Variants in PRMT3 observed in about 807,000 individuals in gnomAD.
PRMT3 encodes the protein protein arginine N-methyltransferase 3.
Under a neutral mutation model 71.9 loss-of-function variants are expected in PRMT3, and 62 were observed. The observed-to-expected ratio is 0.86, with a 90% CI of 0.70 to 1.07. The LOEUF (loss-of-function observed/expected upper bound fraction) is 1.07. Among genes scored for constraint, PRMT3 ranks in the 50% least tolerant of loss-of-function variants. PRMT3 has a pLI of 0.00. For synonymous variants in PRMT3, 213 were observed against 220.4 expected (o/e 0.97, Z 0.30); for missense variants, 663 against 643.0 (o/e 1.03, Z -0.34).
chr11:20,451,560 A>T (rs1192996904), intron 10 of PRMT3, among the ~76,000 whole-genome samples: 3 of 151,958 alleles, frequency 2.0e-5, no homozygotes, highest in Non-Finnish European at 2.9e-5. Context: ...GGTTTTCTAG[A>T]CTAGAGTTTC....
At chr11:20,404,200 G>A (rs1463606048) in intron 8 of PRMT3, among the ~76,000 whole-genome samples, 1 of 109,834 alleles carries the variant, frequency 9.1e-6, no homozygotes, top group African/African-American at 3.5e-5. Context: ...CTATAGTGGA[G>A]ACTTTTCATA....
At chr11:20,396,353 T>C (rs774220747) in intron 6 of PRMT3, among the ~76,000 whole-genome samples, 1 of 152,154 alleles carries the variant, frequency 6.6e-6, no homozygotes, top group Non-Finnish European at 1.5e-5. Context: ...AGAATCAAAA[T>C]GTAGGCCGGG....
In PRMT3 at chr11:20,494,181, G is replaced by C; in HGVS notation, c.1413G>C (p.Thr471=). The change falls in exon 15 of 16, where the codon ACG becomes ACC. Residue 471 remains threonine (T), a synonymous_variant. Transcript: ENST00000331079. ...TACCAATTCAGGTCGTGTTCTCTAC[G>C]GGCCCTCAGAGCACCAAAACACACT... The part of the protein sequence containing the change: ...KNCHNRVVFS[T]GPQSTKTHWK... The C allele has an allele frequency of 1.2e-6, 2 of 1,608,590 alleles. No individual in the cohort carries two copies. Among genetic ancestry groups the C allele is most frequent in the Non-Finnish European group, 1.7e-6 (2 of 1,175,248 alleles).
intron 13 of PRMT3, among the ~76,000 whole-genome samples, chr11:20,472,672 TC>T (rs1363405744): frequency 6.9e-6 from 1 of 145,700 alleles, no homozygotes; most frequent in African/African-American, 2.4e-5. Flanking sequence ...CCTGAAGTGT[TC>T]TTTTTTTGTT....
intron 10 of PRMT3, among the ~76,000 whole-genome samples, chr11:20,451,375 C>G (rs1025600767): frequency 1.3e-5 from 2 of 152,002 alleles, no homozygotes; most frequent in Non-Finnish European, 2.9e-5. Context: ...TTCTCTTTAC[C>G]ATGAGAACTA....
At chr11:20,494,344 A>C (rs1354651593) in intron 15 of PRMT3, 90 bp downstream of exon 15, 1 of 1,144,564 alleles carries the variant, frequency 8.7e-7, no homozygotes, top group Non-Finnish European at 1.3e-6. Flanking sequence ...TGTGCACACT[A>C]TATTTGTTTT....
At position 20,426,858 on chromosome 11, in the gene PRMT3, A is replaced by G; in HGVS notation, c.986A>G (p.Glu329Gly). 1 of 1,530,528 alleles carries G rather than the reference A, an allele frequency of 6.5e-7. No individual in the cohort carries two copies. 94.8% of individuals were successfully genotyped at this position (1,530,528 alleles called of 1,614,324 possible). Residue 329 changes from glutamate (E) to glycine (G), a missense_variant, in exon 10 of 16, where the codon GAG (glutamate) becomes GGG (glycine). Transcript: ENST00000331079. ...GAAAAAGTAGATGTTATCATATCTGAGTGGATGGTGAGTGTTTATAGAAAA... is the reference window on the plus strand; with the variant it reads ...GAAAAAGTAGATGTTATCATATCTGGGTGGATGGTGAGTGTTTATAGAAAA... ...PVEKVDVIIS[E>G]WMGYFLLFES... is the part of the protein sequence containing the mutation.
chr11:20,496,129 G>A (rs1222862956), intron 15 of PRMT3, among the ~76,000 whole-genome samples: 4 of 152,162 alleles, frequency 2.6e-5, no homozygotes. Flanking sequence ...CTTTATAGTA[G>A]CATGTTTTAT....
chr11:20,411,495 A>G (rs931445274), intron 9 of PRMT3, among the ~76,000 whole-genome samples: 5 of 152,132 alleles, frequency 3.3e-5, no homozygotes, highest in African/African-American at 1.2e-4. Context: ...AAGTATATCT[A>G]GAATCTTTGC....
At chr11:20,504,747 C>CGAGAGAGA (rs1260559397) in intron 15 of PRMT3, among the ~76,000 whole-genome samples, 1 of 111,068 alleles carries the variant, frequency 9.0e-6, no homozygotes, top group African/African-American at 3.5e-5. Flanking sequence ...AGAGAGAGAG[C>CGAGAGAGA]GAGAGCGACT....
At chr11:20,494,330 T>G (rs1245948169) in intron 15 of PRMT3, 76 bp downstream of exon 15, 15 of 1,227,522 alleles carry the variant, frequency 1.2e-5, no homozygotes, top group Non-Finnish European at 1.8e-5. Context: ...ACAGCCACTT[T>G]TTATGTGCAC....
intron 15 of PRMT3, among the ~76,000 whole-genome samples, chr11:20,499,508 T>A (rs1851408810): frequency 6.6e-6 from 1 of 152,116 alleles, no homozygotes; most frequent in African/African-American, 2.4e-5. Context: ...ATAACTGTAG[T>A]CTGAGCTACA....
intron 15 of PRMT3, among the ~76,000 whole-genome samples, chr11:20,499,469 T>C (rs539128958): frequency 2.0e-5 from 3 of 151,606 alleles, no homozygotes; most frequent in Non-Finnish European, 4.4e-5. Context: ...GAAAAAAAAT[T>C]TTTTTTAATT....
chr11:20,461,453 A>G (rs1040060662), intron 11 of PRMT3, among the ~76,000 whole-genome samples: 17 of 152,320 alleles, frequency 1.1e-4, no homozygotes, highest in Admixed American at 2.0e-4. Flanking sequence ...ATGTGTCCAT[A>G]GTCTGTAAAT....
intron 7 of PRMT3, among the ~76,000 whole-genome samples, chr11:20,399,967 T>C (rs985964184): frequency 1.3e-5 from 2 of 152,234 alleles, no homozygotes; most frequent in Admixed American, 1.3e-4. Context: ...TTGGAAATGA[T>C]TTGATTAAAT....
intron 5 of PRMT3, 121 bp downstream of exon 5, chr11:20,393,120 G>A (rs1848752910): frequency 5.8e-6 from 4 of 685,556 alleles, no homozygotes; most frequent in Non-Finnish European, 1.0e-5. Flanking sequence ...GCTTCATCAG[G>A]TAGTTAGTTT....
At chr11:20,403,949 GC>G (rs1849006123) in intron 8 of PRMT3, among the ~76,000 whole-genome samples, 1 of 151,768 alleles carries the variant, frequency 6.6e-6, no homozygotes, top group Admixed American at 6.6e-5. Flanking sequence ...ATCTGGATTG[GC>G]TTTTCATTTT....
At chr11:20,473,356 TGTGTACATTTA>T (rs1341046721) in intron 13 of PRMT3, among the ~76,000 whole-genome samples, 5 of 152,150 alleles carry the variant, frequency 3.3e-5, no homozygotes, top group Non-Finnish European at 7.4e-5. Context: ...GTCTTTTTGA[TGTGTACATTTA>T]GTGCTATATA....
Position 20,388,152 on chromosome 11 carries a change from C to G in PRMT3, c.162C>G (p.Asn54Lys), listed in dbSNP as rs765410103. Residue 54 changes from asparagine to lysine, a missense_variant and splice_region_variant, in exon 2 of 16, where the codon AAC becomes AAG. Asn to Lys is a moderately conservative substitution (Grantham distance 94, BLOSUM62 0). Transcript: ENST00000331079. The part of the protein sequence containing the change: ...GKQQTPCLFC[N>K]RLFTSAEETF... ...AGCAGACCCCCTGCCTGTTCTGTAA[C>G]AGGTTCGTCCGCCTCAGCGCCTGGC... The G allele has an allele frequency of 2.5e-6, 4 of 1,613,872 alleles. No homozygotes were observed. In the East Asian group the frequency reaches 6.7e-5, roughly 27 times the overall value.
Sources: allele counts gnomAD v4.1 joint callset (sites outside exome capture counted in the v4.1 genomes callset), GRCh38; gene constraint gnomAD v4.1.1; transcripts MANE v1.5; gene names NCBI Gene and HGNC (gene_info 2026-07-23, HGNC 2026-07-21).